FYB2: variants seen among roughly 807,000 people sequenced by gnomAD.
FYB2 encodes the protein FYN binding protein 2.
FYB2 carries 103 observed loss-of-function variants against 94.1 expected under a neutral mutation model. The observed-to-expected ratio is 1.09, with a 90% CI of 0.93 to 1.29. The LOEUF (loss-of-function observed/expected upper bound fraction) is 1.29. Among genes scored for constraint, FYB2 ranks in the 50% most tolerant of loss-of-function variants. The pLI, the probability that FYB2 is intolerant of heterozygous loss-of-function variation, is 0.00. For synonymous variants in FYB2, 293 were observed against 287.9 expected, an observed-to-expected ratio of 1.02 and a Z score of -0.18; for missense variants, 896 against 841.5, an observed-to-expected ratio of 1.06 and a Z score of -0.80.
chr1:56,756,497 T>C (rs1036638716), intron 6 of FYB2, among the ~76,000 whole-genome samples: 1 of 152,100 alleles, frequency 6.6e-6, no homozygotes, highest in African/African-American at 2.4e-5. Flanking sequence ...CTGAGAAGAA[T>C]AGAAAATATC....
At chr1:56,777,259 A>G (rs1157939994) in intron 4 of FYB2, among the ~76,000 whole-genome samples, 1 of 149,336 alleles carries the variant, frequency 6.7e-6, no homozygotes, top group Non-Finnish European at 1.5e-5. Flanking sequence ...AAAAAAAAAA[A>G]AAAAAAAAAA....
intron 5 of FYB2, among the ~76,000 whole-genome samples, chr1:56,766,769 A>G (rs1570069192): frequency 6.6e-6 from 1 of 152,260 alleles, no homozygotes; most frequent in South Asian, 2.1e-4. Flanking sequence ...AGAAGAGGGA[A>G]ATTTCAGTAG....
Position 56,784,954 on chromosome 1 carries a change from C to T in FYB2, c.953+2221G>A, listed in dbSNP as rs796612444. ...AGTTCTTTCATCTCCCATGAAGGTGCCCTAAGTTTTCTGGCCCCTCTTTAT... is the reference window on the plus strand; with the variant it reads ...AGTTCTTTCATCTCCCATGAAGGTGTCCTAAGTTTTCTGGCCCCTCTTTAT... On this transcript the variant is annotated intron_variant, in intron 4 of 19. Transcript: ENST00000343433. Among the ~76,000 whole-genome samples, 6 of 152,306 alleles carry T rather than the reference C, an allele frequency of 3.9e-5. 1 individual carries two copies. The highest frequency in any genetic ancestry group is 1.4e-4 in the African/African-American group (6 of 41,572).
chr1:56,786,853 C>G (rs1306362556), intron 4 of FYB2, among the ~76,000 whole-genome samples: 3 of 152,124 alleles, frequency 2.0e-5, no homozygotes, highest in Non-Finnish European at 4.4e-5. Context: ...AACATCACAC[C>G]AGCTGCCCAG....
intron 6 of FYB2, 37 bp downstream of exon 6, chr1:56,758,679 T>C: frequency 2.6e-6 from 4 of 1,509,686 alleles, no homozygotes; most frequent in Non-Finnish European, 2.7e-6. Flanking sequence ...ATGCTTATTT[T>C]ACTTTTAGTT....
At chr1:56,738,688 A>G in intron 13 of FYB2, 35 bp from the exon 14 acceptor site, 6 of 1,601,762 alleles carry the variant, frequency 3.7e-6, no homozygotes, top group Non-Finnish European at 5.1e-6. Flanking sequence ...AGAGTTAAGG[A>G]AAAAAACCAT....
intron 1 of FYB2, among the ~76,000 whole-genome samples, chr1:56,804,384 C>A (rs1646591085): frequency 6.6e-6 from 1 of 152,144 alleles, no homozygotes; most frequent in African/African-American, 2.4e-5. Context: ...TTTTAAAAGG[C>A]TTTCTTTGAG....
At chr1:56,756,405 C>T (rs574122053) in intron 6 of FYB2, among the ~76,000 whole-genome samples, 2 of 151,956 alleles carry the variant, frequency 1.3e-5, no homozygotes, top group Non-Finnish European at 2.9e-5. Flanking sequence ...AAATTATGTC[C>T]CAATGATCAC....
intron 4 of FYB2, among the ~76,000 whole-genome samples, chr1:56,775,625 G>T (rs977073355): frequency 2.6e-5 from 4 of 152,210 alleles, no homozygotes; most frequent in African/African-American, 9.6e-5. Context: ...GCAGAGATAA[G>T]AAGCCAGATA....
At chr1:56,739,827 A>G (rs1030497451) in intron 13 of FYB2, among the ~76,000 whole-genome samples, 3 of 152,122 alleles carry the variant, frequency 2.0e-5, no homozygotes, top group African/African-American at 7.2e-5. Context: ...TATTCCAAGC[A>G]TGTTTAAGAT....
intron 15 of FYB2, among the ~76,000 whole-genome samples, chr1:56,729,100 T>G (rs1466836765): frequency 6.6e-6 from 1 of 152,102 alleles, no homozygotes; most frequent in Non-Finnish European, 1.5e-5. Flanking sequence ...AGGGGCTGGA[T>G]TATGAATAAA....
chr1:56,785,375 A>G (rs1646110151), intron 4 of FYB2, among the ~76,000 whole-genome samples: 1 of 152,216 alleles, frequency 6.6e-6, no homozygotes, highest in African/African-American at 2.4e-5. Context: ...ACACTGTCAT[A>G]CTGGGACCTA....
In FYB2 at chr1:56,789,131, T is replaced by C. The variant is rs1301892947; in HGVS notation, c.761A>G (p.Lys254Arg). The change falls in exon 3 of 20, where the codon AAA becomes AGA. Residue 254 changes from lysine to arginine, a missense_variant. Coordinates refer to ENST00000343433, the MANE Select transcript of FYB2 (RefSeq NM_001004303.5). ...GTGGTGATGCCTGACATCTGGCTGT[T>C]TTTCTGAACACAAGACAGTAAAAAA... ...ECELASQAPE[K>R]QPDVRHHHLP... The C allele has an allele frequency of 1.3e-6, 2 of 1,579,924 alleles. No individual in the cohort carries two copies. The highest frequency in any genetic ancestry group is 1.7e-6 in the Non-Finnish European group (2 of 1,165,566).
At chr1:56,730,935 A>G (rs1352330512) in intron 15 of FYB2, among the ~76,000 whole-genome samples, 4 of 152,130 alleles carry the variant, frequency 2.6e-5, no homozygotes, top group Middle Eastern at 3.2e-3. Flanking sequence ...ATAATACACC[A>G]TGATGTAGTG....
At chr1:56,734,262 T>G (rs1255285680) in intron 15 of FYB2, among the ~76,000 whole-genome samples, 1 of 152,050 alleles carries the variant, frequency 6.6e-6, no homozygotes. Flanking sequence ...TTCCATTTTC[T>G]TGGTAGATCT....
At chr1:56,729,877 G>A (rs185250111) in intron 15 of FYB2, among the ~76,000 whole-genome samples, 14 of 152,080 alleles carry the variant, frequency 9.2e-5, no homozygotes, top group African/African-American at 3.1e-4. Flanking sequence ...ATAACAAGAG[G>A]AACATTTGAA....
rs768092455 is a variant in FYB2 at position 56,726,541 on chromosome 1, T to C, written c.1836A>G (p.Thr612=). The change falls in exon 16 of 20, where the codon ACA becomes ACG. Residue 612 remains threonine, a synonymous_variant. Coordinates refer to ENST00000343433, the MANE Select transcript of FYB2 (RefSeq NM_001004303.5). ...KLKMWKPKFL[T]PKEKKEKNGA... ...CGTTTTTCTCTTTTTTTTCCTTTGG[T>C]GTCAGAAACTTGGGCTTCCACATTT... The C allele has an allele frequency of 6.2e-7, 1 of 1,612,414 alleles. No homozygotes were observed. The highest frequency in any genetic ancestry group is 1.7e-5 in the Admixed American group (1 of 59,824).
At chr1:56,788,697 T>C (rs1646186601) in intron 3 of FYB2, among the ~76,000 whole-genome samples, 2 of 152,196 alleles carry the variant, frequency 1.3e-5, no homozygotes, top group Non-Finnish European at 2.9e-5. Flanking sequence ...AGTGACTCCC[T>C]GCTCAGCGAC....
chr1:56,729,457 T>C (rs923403933), intron 15 of FYB2, among the ~76,000 whole-genome samples: 6 of 151,844 alleles, frequency 4.0e-5, no homozygotes, highest in Non-Finnish European at 7.4e-5. Flanking sequence ...AACATAGAGA[T>C]CAAAAGGACC....
Sources: allele counts gnomAD v4.1 joint callset (sites outside exome capture counted in the v4.1 genomes callset), GRCh38; gene constraint gnomAD v4.1.1; transcripts MANE v1.5; gene names NCBI Gene and HGNC (gene_info 2026-07-23, HGNC 2026-07-21).